Variants in FMN2 observed in about 807,000 individuals in gnomAD.
FMN2 encodes the protein formin-2.
Under a neutral mutation model 142.3 loss-of-function variants are expected in FMN2, and 51 were observed. The observed-to-expected ratio is 0.36, with a 90% CI of 0.29 to 0.45. FMN2 has a LOEUF of 0.45. Ranked by LOEUF, FMN2 falls within the 20% of genes least tolerant of loss-of-function variation. The pLI is 1.00. For synonymous variants in FMN2, 882 were observed against 869.8 expected (o/e 1.01, Z -0.25); for missense variants, 1,936 against 2,122.8 (o/e 0.91, Z 1.73).
intron 4 of FMN2, among the ~76,000 whole-genome samples, chr1:240,199,694 A>G (rs1056651304): frequency 2.0e-5 from 3 of 152,324 alleles, no homozygotes; most frequent in African/African-American, 4.8e-5. Flanking sequence ...TAGATGGCAG[A>G]CTCTACCACT....
chr1:240,421,026 A>G (rs1024094476), intron 15 of FMN2, among the ~76,000 whole-genome samples: 10 of 152,214 alleles, frequency 6.6e-5, no homozygotes, highest in African/African-American at 2.4e-4. Context: ...CAGTGCAATT[A>G]TAAGAAAGTT....
chr1:240,198,259 T>C (rs1440591083), intron 4 of FMN2, among the ~76,000 whole-genome samples: 1 of 152,232 alleles, frequency 6.6e-6, no homozygotes. Context: ...AGGCTGGTTC[T>C]TTTTGCTGTT....
intron 3 of FMN2, among the ~76,000 whole-genome samples, chr1:240,184,337 A>C (rs925861974): frequency 2.1e-5 from 3 of 142,264 alleles, no homozygotes; most frequent in African/African-American, 2.6e-5. Context: ...CCCGGGTTCA[A>C]GCGATTCTCC....
rs1553341236 is a variant in FMN2 at position 240,207,506 on chromosome 1, A to G, written c.2694A>G (p.Gln898=). 59 of 1,609,140 alleles carry G rather than the reference A, an allele frequency of 3.7e-5. No individual in the cohort carries two copies. Among genetic ancestry groups the G allele is most frequent in the Non-Finnish European group, 4.7e-5 (55 of 1,178,546 alleles). ...VPTLPSTAIP[Q]PPPLQGTEML... is the part of the protein sequence containing the mutation. ...CTCTGCCCAGTACAGCCATTCCCCA[A>G]CCTCCTCCTCTGCAGGGTACAGAAA... Residue 898 remains glutamine (Q), a synonymous_variant, in exon 5 of 18, where the codon CAA becomes CAG. Coordinates refer to ENST00000319653, the MANE Select transcript of FMN2 (RefSeq NM_020066.5).
chr1:240,108,384 AT>A (rs904960687), intron 1 of FMN2, among the ~76,000 whole-genome samples: 3 of 151,860 alleles, frequency 2.0e-5, no homozygotes, highest in African/African-American at 4.8e-5. Context: ...GGCCCTCCTT[AT>A]TTTTTTTCTT....
chr1:240,328,147 C>CAAAAAAAAAAAAAAAAAAAAAAAAA (rs780595882), intron 8 of FMN2, among the ~76,000 whole-genome samples: 63 of 51,424 alleles, frequency 1.2e-3, no homozygotes, highest in East Asian at 1.3e-3. Flanking sequence ...GACCCCATCT[C>CAAAAAAAAAAAAAAAAAAAAAAAAA]AAAAAAAAAA....
intron 8 of FMN2, among the ~76,000 whole-genome samples, chr1:240,300,764 G>A (rs1558420790): frequency 6.6e-6 from 1 of 152,018 alleles, no homozygotes; most frequent in East Asian, 1.9e-4. Flanking sequence ...ATTTGGAATC[G>A]TTTTTTCTCT....
chr1:240,108,006 A>G (rs1180144814), intron 1 of FMN2, among the ~76,000 whole-genome samples: 3 of 152,214 alleles, frequency 2.0e-5, no homozygotes, highest in Admixed American at 1.3e-4. Context: ...TTATGAAGAC[A>G]CATTGTAGGC....
At chr1:240,323,032 T>A (rs1465801405) in intron 8 of FMN2, among the ~76,000 whole-genome samples, 1 of 152,148 alleles carries the variant, frequency 6.6e-6, no homozygotes, top group Non-Finnish European at 1.5e-5. Context: ...TGGTTCATCA[T>A]TGTTGAATTT....
intron 15 of FMN2, among the ~76,000 whole-genome samples, chr1:240,400,380 G>T (rs1673936113): frequency 6.6e-6 from 1 of 152,164 alleles, no homozygotes; most frequent in Non-Finnish European, 1.5e-5. Context: ...TAACCCAGGG[G>T]CAACTCATGG....
chr1:240,377,891 T>C (rs778392055), intron 14 of FMN2, among the ~76,000 whole-genome samples: 2 of 152,110 alleles, frequency 1.3e-5, no homozygotes, highest in Non-Finnish European at 2.9e-5. Context: ...TATATTCCCA[T>C]GTAATATAAC....
chr1:240,360,792 TA>T (rs1431563163), intron 14 of FMN2, among the ~76,000 whole-genome samples: 3 of 151,930 alleles, frequency 2.0e-5, no homozygotes, highest in African/African-American at 7.3e-5. Context: ...TATGCAGCCA[TA>T]AAAAAGGATG....
intron 2 of FMN2, among the ~76,000 whole-genome samples, chr1:240,152,021 C>A (rs1435204635): frequency 6.6e-6 from 1 of 152,108 alleles, no homozygotes; most frequent in Admixed American, 6.6e-5. Flanking sequence ...CCTGCTTCAG[C>A]TGGCCTCCCA....
At chr1:240,351,785 C>T (rs2103041289) in intron 13 of FMN2, among the ~76,000 whole-genome samples, 1 of 152,212 alleles carries the variant, frequency 6.6e-6, no homozygotes, top group East Asian at 1.9e-4. Context: ...TCCTTTAAGT[C>T]ACCAGACCCA....
intron 15 of FMN2, among the ~76,000 whole-genome samples, chr1:240,432,608 A>C (rs1309501959): frequency 6.6e-6 from 1 of 151,858 alleles, no homozygotes; most frequent in Non-Finnish European, 1.5e-5. Context: ...ATTTCTTTTT[A>C]ATACATTCAT....
chr1:240,286,782 G>C (rs1215549206), intron 7 of FMN2, among the ~76,000 whole-genome samples: 1 of 152,138 alleles, frequency 6.6e-6, no homozygotes, highest in Non-Finnish European at 1.5e-5. Context: ...TGAATGTTAG[G>C]TGATGCTATT....
intron 13 of FMN2, among the ~76,000 whole-genome samples, chr1:240,343,659 A>G (rs112279967): frequency 0.018 from 2,709 of 152,322 alleles, 94 homozygotes; most frequent in African/African-American, 0.062. Context: ...ATACTTTACC[A>G]GGTGAACAAA....
chr1:240,257,863 T>A, intron 6 of FMN2, 82 bp from the exon 7 acceptor site: 1 of 1,146,272 alleles, frequency 8.7e-7, no homozygotes, highest in Non-Finnish European at 1.3e-6. Flanking sequence ...AATTTGTTCT[T>A]CATTTAGGAT....
intron 14 of FMN2, among the ~76,000 whole-genome samples, chr1:240,389,212 G>A (rs1336351373): frequency 6.6e-6 from 1 of 152,140 alleles, no homozygotes; most frequent in Non-Finnish European, 1.5e-5. Flanking sequence ...ATAAGAAACT[G>A]CTACTAAAAG....
Sources: gnomAD v4.1 joint callset for allele counts (sites outside exome capture counted in the v4.1 genomes callset) on GRCh38, gnomAD v4.1.1 for gene constraint, MANE v1.5 for transcripts, NCBI Gene and HGNC (gene_info 2026-07-23, HGNC 2026-07-21) for gene names.